The following ACACA variants were observed in gnomAD, a reference collection of about 807,000 sequenced individuals.
The protein encoded by ACACA is acetyl-CoA carboxylase 1.
In ACACA, 103 loss-of-function variants were observed where a neutral mutation model predicts 296.1. That is an observed-to-expected ratio of 0.35 (90% CI 0.30 to 0.41). The LOEUF is 0.41. Ranked by LOEUF, ACACA falls within the 10% of genes least tolerant of loss-of-function variation. ACACA has a pLI of 1.00. For missense variants in ACACA, 1,554 were observed against 2,989.7 expected (o/e 0.52, Z 11.20); for synonymous variants, 953 against 1,038.6 (o/e 0.92, Z 1.58).
chr17:37,367,071 G>A (rs1329307629), intron 1 of ACACA: 2 of 151,626 alleles, frequency 1.3e-5, no homozygotes, highest in African/African-American at 4.8e-5. Flanking sequence ...CTGAGTGACA[G>A]AGCAAGACTG....
chr17:37,316,976 C>T (rs905573039), intron 3 of ACACA, among the ~76,000 whole-genome samples: 5 of 150,874 alleles, frequency 3.3e-5, no homozygotes, highest in Admixed American at 6.6e-5. Flanking sequence ...GGGAGGCTGA[C>T]GTGGGAGGAT....
chr17:37,264,454 T>C (rs2081655118), intron 10 of ACACA, among the ~76,000 whole-genome samples: 1 of 152,240 alleles, frequency 6.6e-6, no homozygotes, highest in African/African-American at 2.4e-5. Flanking sequence ...ATCTTATTGT[T>C]ACTATTTTGA....
At chr17:37,268,713 A>ATCTATCTATC (rs1555623052) in intron 10 of ACACA, among the ~76,000 whole-genome samples, 6 of 135,648 alleles carry the variant, frequency 4.4e-5, no homozygotes, top group African/African-American at 1.8e-4. Context: ...ATCTATATCT[A>ATCTATCTATC]TATCTATCTA....
intron 48 of ACACA, among the ~76,000 whole-genome samples, chr17:37,124,523 C>T (rs17139011): frequency 0.22 from 33,152 of 152,030 alleles, 4,172 homozygotes; most frequent in Admixed American, 0.34. Flanking sequence ...CTTAGTGTGC[C>T]GTGAGGAATC....
At chr17:37,309,493 G>A (rs2084033934) in intron 3 of ACACA, among the ~76,000 whole-genome samples, 1 of 151,860 alleles carries the variant, frequency 6.6e-6, no homozygotes, top group South Asian at 2.1e-4. Context: ...CTATTGCAAT[G>A]GGAAAAAAAG....
chr17:37,144,403 T>G (rs950003992), intron 45 of ACACA: 1 of 368,530 alleles, frequency 2.7e-6, no homozygotes, highest in Non-Finnish European at 5.2e-6. Flanking sequence ...AAAGTTACAA[T>G]GCTGCCCGCC....
At chr17:37,108,091 T>A (rs552797867) in intron 52 of ACACA, among the ~76,000 whole-genome samples, 178 of 152,330 alleles carry the variant, frequency 1.2e-3, no homozygotes, top group African/African-American at 4.1e-3. Context: ...AAGCCCTGGT[T>A]CTGTGAATCA....
intron 43 of ACACA, among the ~76,000 whole-genome samples, chr17:37,153,779 C>T (rs1193003020): frequency 2.0e-5 from 3 of 151,968 alleles, no homozygotes; most frequent in Non-Finnish European, 4.4e-5. Context: ...ATTACTGAGA[C>T]ACTAAGGATG....
At chr17:37,330,869 T>C (rs117680583) in intron 2 of ACACA, among the ~76,000 whole-genome samples, 1 of 152,290 alleles carries the variant, frequency 6.6e-6, no homozygotes, top group East Asian at 1.9e-4. Context: ...ATAATGCTCA[T>C]CTGGCTTCAA....
At chr17:37,227,938 T>C (rs924147239) in intron 25 of ACACA, among the ~76,000 whole-genome samples, 2 of 151,768 alleles carry the variant, frequency 1.3e-5, no homozygotes, top group African/African-American at 4.8e-5. Context: ...CTACTACCAA[T>C]GGGACATGAA....
In ACACA at chr17:37,199,799, G is replaced by A. The variant is rs2078163586; in HGVS notation, c.4158+340C>T. On this transcript the variant is annotated intron_variant, in intron 35 of 55. Coordinates refer to ENST00000616317, the MANE Select transcript of ACACA (RefSeq NM_198834.3). ...TGTTCATTCTTAACTATTTCTCAGA[G>A]ATATATTGAGAATTCATTATAGGGT... Among the ~76,000 whole-genome samples the A allele has an allele frequency of 1.4e-5, 2 of 145,454 alleles. 1 individual carries two copies. Among genetic ancestry groups the A allele is most frequent in the South Asian group, 4.5e-4 (2 of 4,434 alleles).
chr17:37,269,753 T>C (rs1292557523), intron 10 of ACACA, among the ~76,000 whole-genome samples: 1 of 135,634 alleles, frequency 7.4e-6, no homozygotes, highest in Non-Finnish European at 1.5e-5. Flanking sequence ...TGCTGCTAAG[T>C]GTTTTAAGGG....
At chr17:37,174,236 T>G (rs1452336199) in intron 41 of ACACA, among the ~76,000 whole-genome samples, 1 of 147,738 alleles carries the variant, frequency 6.8e-6, no homozygotes, top group Non-Finnish European at 1.5e-5. Context: ...AAAAAAAAAA[T>G]AGATCCCTAA....
chr17:37,200,204 A>C (rs749569390), intron 34 of ACACA, 21 bp from the exon 35 acceptor site: 2 of 1,599,588 alleles, frequency 1.3e-6, no homozygotes, highest in East Asian at 4.5e-5. Context: ...AAAGAGAGAA[A>C]GGAAGGAAAG....
chr17:37,219,153 T>A (rs1197781063), intron 29 of ACACA, among the ~76,000 whole-genome samples: 1 of 152,190 alleles, frequency 6.6e-6, no homozygotes, highest in East Asian at 1.9e-4. Flanking sequence ...ACGTAGGCTA[T>A]GATTTAATCA....
intron 29 of ACACA, among the ~76,000 whole-genome samples, chr17:37,216,944 C>T (rs1037527973): frequency 2.0e-5 from 3 of 151,882 alleles, no homozygotes; most frequent in Admixed American, 6.6e-5. Flanking sequence ...AAACAAACTG[C>T]GTGACTGGGA....
At chr17:37,207,433 T>C (rs188928554) in intron 31 of ACACA, among the ~76,000 whole-genome samples, 2 of 152,322 alleles carry the variant, frequency 1.3e-5, no homozygotes, top group East Asian at 3.9e-4. Context: ...TGTTTCTTTT[T>C]TTCTGACCAG....
intron 3 of ACACA, among the ~76,000 whole-genome samples, chr17:37,318,940 GATT>G (rs2047218387): frequency 6.6e-6 from 1 of 152,112 alleles, no homozygotes; most frequent in African/African-American, 2.4e-5. Context: ...TACATAAAAT[GATT>G]ATAAAATTCA....
intron 14 of ACACA, among the ~76,000 whole-genome samples, chr17:37,256,694 T>A (rs2081243743): frequency 2.0e-5 from 3 of 152,186 alleles, no homozygotes; most frequent in Admixed American, 2.0e-4. Flanking sequence ...ATGGCACCAC[T>A]GCATTCCAGC....
Sources: gnomAD v4.1 joint callset for allele counts (sites outside exome capture counted in the v4.1 genomes callset) on GRCh38, gnomAD v4.1.1 for gene constraint, MANE v1.5 for transcripts, NCBI Gene and HGNC (gene_info 2026-07-23, HGNC 2026-07-21) for gene names.